Variants in NHSL1 observed in about 807,000 individuals in gnomAD.
The protein encoded by NHSL1 is NHS-like protein 1.
NHSL1 carries 48 observed loss-of-function variants against 95.0 expected under a neutral mutation model. The ratio of observed to expected loss-of-function variants is 0.51; its 90% CI spans 0.40 to 0.64. The LOEUF is 0.64. Among genes scored for constraint, NHSL1 ranks in the 30% least tolerant of loss-of-function variants. The pLI, the probability that NHSL1 is intolerant of heterozygous loss-of-function variation, is 0.00. For missense variants in NHSL1, 1,971 were observed against 2,077.7 expected (o/e 0.95, Z 1.00); for synonymous variants, 783 against 833.9 (o/e 0.94, Z 1.05).
At chr6:138,571,464 A>C in intron 1 of NHSL1, 1 of 455,862 alleles carries the variant, frequency 2.2e-6, no homozygotes, top group East Asian at 4.3e-5. Context: ...GGAGGGAGGG[A>C]GGCTGCCGAG....
intron 1 of NHSL1, among the ~76,000 whole-genome samples, chr6:138,516,120 G>C (rs1302787591): frequency 2.0e-5 from 3 of 152,226 alleles, no homozygotes; most frequent in Non-Finnish European, 2.9e-5. Context: ...GGCTTCGGCT[G>C]TTTCTGCTGC....
At chr6:138,490,365 G>A (rs968126476) in intron 2 of NHSL1, among the ~76,000 whole-genome samples, 3 of 152,046 alleles carry the variant, frequency 2.0e-5, no homozygotes, top group East Asian at 1.9e-4. Flanking sequence ...GTGGAGAACC[G>A]ATGGCGAAAG....
At chr6:138,588,063 C>T (rs80130878) in intron 1 of NHSL1, among the ~76,000 whole-genome samples, 3,722 of 152,362 alleles carry the variant, frequency 0.024, 142 homozygotes, top group African/African-American at 0.081. Flanking sequence ...TACTGCTGTG[C>T]GGCCCAGCAC....
rs776651291 is a variant in NHSL1, at chr6:138,496,248, G to A, written c.182C>T (p.Ala61Val). The change falls in exon 2 of 8, where the codon GCC becomes GTC. Residue 61 changes from alanine (A) to valine (V), a missense_variant. Ala to Val is a moderately conservative substitution (Grantham distance 64). Around this residue, in one of 3 missense-constraint regions of NHSL1, gnomAD observed 1,602 missense variants for 1,654.5 expected, o/e 0.97. Coordinates refer to ENST00000343505, the MANE Select transcript of NHSL1 (RefSeq NM_001144060.2). ...CAGTACTGATTTGAGGTTGAGCTTG[G>A]CTTGGCGGTGCAGGTCCTCAACACA... Reference protein sequence around the residue: ...PPCVEDLHRQAKLNLKSVLRE... With the variant: ...PPCVEDLHRQVKLNLKSVLRE... 84 of 1,550,816 alleles carry A rather than the reference G, an allele frequency of 5.4e-5. 2 individuals carry two copies. The South Asian group carries it at 9.8e-4, about 18-fold the overall frequency.
chr6:138,691,855 C>T (rs1390504010), intron 1 of NHSL1: 1 of 455,298 alleles, frequency 2.2e-6, no homozygotes, highest in South Asian at 1.6e-5. Context: ...TCAAGGTCAA[C>T]GTCTTCTGAA....
intron 1 of NHSL1, among the ~76,000 whole-genome samples, chr6:138,684,092 G>A (rs764438106): frequency 1.3e-5 from 2 of 151,364 alleles, no homozygotes; most frequent in Non-Finnish European, 2.9e-5. Flanking sequence ...CCCACCTGTA[G>A]TCCCAGCTAC....
intron 2 of NHSL1, among the ~76,000 whole-genome samples, chr6:138,483,937 T>C (rs1482162879): frequency 6.6e-6 from 1 of 152,170 alleles, no homozygotes; most frequent in African/African-American, 2.4e-5. Context: ...GTAGATTTTA[T>C]CCTCAGCCAC....
At chr6:138,691,628 C>A (rs1785670634) in intron 1 of NHSL1, among the ~76,000 whole-genome samples, 1 of 152,084 alleles carries the variant, frequency 6.6e-6, no homozygotes, top group South Asian at 2.1e-4. Context: ...GGATTATGAC[C>A]AAGTTCACGT....
chr6:138,613,130 C>G (rs1784536154), intron 1 of NHSL1, among the ~76,000 whole-genome samples: 2 of 152,320 alleles, frequency 1.3e-5, no homozygotes, highest in East Asian at 3.9e-4. Context: ...GTATGGAACG[C>G]TGCCTCAAGG....
intron 1 of NHSL1, among the ~76,000 whole-genome samples, chr6:138,606,875 T>G (rs1040443443): frequency 6.6e-6 from 1 of 151,976 alleles, no homozygotes; most frequent in Non-Finnish European, 1.5e-5. Flanking sequence ...GCTAATTTTT[T>G]TGTATTTTTA....
intron 1 of NHSL1, among the ~76,000 whole-genome samples, chr6:138,675,663 T>C (rs1293389058): frequency 6.6e-6 from 1 of 152,048 alleles, no homozygotes; most frequent in African/African-American, 2.4e-5. Flanking sequence ...GCCCCCCAAA[T>C]AGCTGGGATT....
exon 1 of NHSL1, chr6:138,572,077 A>T (rs1783860719): frequency 1.7e-6 from 1 of 585,348 alleles, no homozygotes; most frequent in African/African-American, 1.9e-5. Flanking sequence ...TCACCCAATT[A>T]AAAAGAAAGG....
At chr6:138,587,320 A>G (rs565300982) in intron 1 of NHSL1, among the ~76,000 whole-genome samples, 9 of 151,252 alleles carry the variant, frequency 6.0e-5, no homozygotes, top group African/African-American at 2.2e-4. Context: ...AGTGGCTCAC[A>G]CCTGTAATCT....
Position 138,430,456 on chromosome 6 carries a change from C to G in NHSL1, c.3889G>C (p.Ala1297Pro), listed in dbSNP as rs372348568. The change falls in exon 6 of 8, where the codon GCC (alanine) becomes CCC (proline). Residue 1297 changes from alanine to proline, a missense_variant. By Grantham distance (27) the Ala-to-Pro change is conservative. This residue lies in a region of NHSL1 where 1,602 missense variants were observed against 1,654.5 expected (regional missense o/e 0.97). Coordinates refer to ENST00000343505, the MANE Select transcript of NHSL1 (RefSeq NM_001144060.2). The surrounding 1 kb of genome is among the most constrained non-coding windows in gnomAD (Gnocchi z 4.7). ...CCCCCAGTATCCGCACTGTTCTCGG[C>G]TGGCTCCTCCTGCTTGGGGGCTGGT... ...VSPAPKQEEP[A>P]ENSADTGGDG... 6.5e-7 allele frequency: 1 copy of G among 1,547,456 alleles called. No individual in the cohort carries two copies. Among genetic ancestry groups the G allele is most frequent in the Non-Finnish European group, 8.7e-7 (1 of 1,144,652 alleles).
At chr6:138,654,337 G>A (rs930488794) in intron 1 of NHSL1, among the ~76,000 whole-genome samples, 1 of 152,076 alleles carries the variant, frequency 6.6e-6, no homozygotes, top group East Asian at 1.9e-4. Context: ...GCTGTTATTA[G>A]GACTGCAATT....
chr6:138,643,431 G>T lies in NHSL1; in HGVS notation c.96+49045C>A, dbSNP rs1784981755. Reference sequence around the variant, plus strand: ...TAGTTCACATTAGGGTTCACTCTTGGTGTTGACATTTTATGTGTCTGGACA... The same window carrying T: ...TAGTTCACATTAGGGTTCACTCTTGTTGTTGACATTTTATGTGTCTGGACA... On this transcript the variant is annotated intron_variant, in intron 1 of 3. Transcript: ENST00000491526. Among the ~76,000 whole-genome samples the T allele has an allele frequency of 1.3e-5, 2 of 152,032 alleles. 1 individual carries two copies. Among genetic ancestry groups the T allele is most frequent in the South Asian group, 4.1e-4 (2 of 4,824 alleles).
chr6:138,685,727 T>C (rs1057303021), intron 1 of NHSL1, among the ~76,000 whole-genome samples: 1 of 152,026 alleles, frequency 6.6e-6, no homozygotes, highest in South Asian at 2.1e-4. Context: ...AAAGAGTCCA[T>C]AGAGTCATGA....
At chr6:138,630,319 A>G (rs1424430572) in intron 1 of NHSL1, among the ~76,000 whole-genome samples, 1 of 152,158 alleles carries the variant, frequency 6.6e-6, no homozygotes, top group African/African-American at 2.4e-5. Flanking sequence ...CCTTGGATGA[A>G]TATCTAAATG....
chr6:138,664,515 G>A (rs1583471498), intron 1 of NHSL1, among the ~76,000 whole-genome samples: 1 of 152,238 alleles, frequency 6.6e-6, no homozygotes, highest in African/African-American at 2.4e-5. Flanking sequence ...GGAATTGTCT[G>A]TCAAAGGACT....
Sources: allele counts gnomAD v4.1 joint callset (sites outside exome capture counted in the v4.1 genomes callset), GRCh38; gene constraint gnomAD v4.1.1; regional missense constraint gnomAD v4.1.1; non-coding constraint Gnocchi (gnomAD v3.1); transcripts MANE v1.5; gene names NCBI Gene and HGNC (gene_info 2026-07-23, HGNC 2026-07-21).